Variants in IGSF21 observed in about 807,000 individuals in gnomAD.
IGSF21 encodes immunoglobin superfamily member 21.
In IGSF21, 28 loss-of-function variants were observed where a neutral mutation model predicts 46.8. That is an observed-to-expected ratio of 0.60 (90% CI 0.44 to 0.82). The LOEUF (loss-of-function observed/expected upper bound fraction) is 0.82, where lower values mean the gene tolerates loss of function less well. Ranked by LOEUF, IGSF21 falls within the 40% of genes least tolerant of loss-of-function variation. The pLI is 0.00. For missense variants in IGSF21, 624 were observed against 665.5 expected (o/e 0.94, Z 0.69); for synonymous variants, 284 against 273.6 (o/e 1.04, Z -0.38).
rs115698827 is a variant in IGSF21 at position 18,150,573 on chromosome 1, T to C, written c.70+42375T>C. Among the ~76,000 whole-genome samples the C allele has an allele frequency of 7.7e-3, 1,166 of 152,320 alleles. 11 individuals are homozygous for C. Among genetic ancestry groups the C allele is most frequent in the African/African-American group, 0.026 (1,095 of 41,568 alleles). On this transcript the variant is annotated intron_variant, in intron 1 of 9. Transcript: ENST00000251296. The stretch of plus-strand genomic sequence containing the variant: ...ACAGGAATGCTGGCCTCCTTGGAGA[T>C]GGGCTTAAGGGGCTAGGCGAGACCG...
intron 1 of IGSF21, among the ~76,000 whole-genome samples, chr1:18,170,739 C>A (rs1232935251): frequency 6.6e-6 from 1 of 151,976 alleles, no homozygotes; most frequent in Non-Finnish European, 1.5e-5. Flanking sequence ...ACACTGCTAT[C>A]CCGGTTCTGA....
intron 6 of IGSF21, among the ~76,000 whole-genome samples, chr1:18,368,628 C>T (rs1186266449): frequency 3.9e-5 from 6 of 152,118 alleles, no homozygotes; most frequent in Non-Finnish European, 7.3e-5. Flanking sequence ...CTCTCTTGGT[C>T]CTCCTGCTTT....
chr1:18,145,590 C>T (rs2086458199), intron 1 of IGSF21, among the ~76,000 whole-genome samples: 1 of 152,076 alleles, frequency 6.6e-6, no homozygotes, highest in Admixed American at 6.5e-5. Flanking sequence ...GGACACGAAG[C>T]ACACACATCC....
chr1:18,168,476 G>A (rs1025654384), intron 1 of IGSF21, among the ~76,000 whole-genome samples: 11 of 152,120 alleles, frequency 7.2e-5, no homozygotes, highest in Admixed American at 2.6e-4. Flanking sequence ...CTGGGTCATC[G>A]TCACTTAGAC....
chr1:18,271,092 C>G lies in IGSF21; in HGVS notation c.184-20774C>G, dbSNP rs567825808. Among the ~76,000 whole-genome samples the G allele has an allele frequency of 2.0e-5, 3 of 152,276 alleles. No individual in the cohort carries two copies. The East Asian group carries it at 5.8e-4, about 29-fold the overall frequency. Reference sequence around the variant, plus strand: ...AATAGCTCAGACAAGCACAGAGAGACAGCTGCTCGCAGAGCTATGGGCAGA... The same window carrying G: ...AATAGCTCAGACAAGCACAGAGAGAGAGCTGCTCGCAGAGCTATGGGCAGA... On this transcript the variant is annotated intron_variant, in intron 2 of 9. Transcript: ENST00000251296.
At chr1:18,369,030 C>G (rs1004907956) in intron 6 of IGSF21, among the ~76,000 whole-genome samples, 2 of 152,214 alleles carry the variant, frequency 1.3e-5, no homozygotes, top group African/African-American at 4.8e-5. Context: ...GGCACCCCCA[C>G]TCATCATCAG....
At chr1:18,210,692 G>T (rs1011570333) in intron 1 of IGSF21, among the ~76,000 whole-genome samples, 1 of 151,990 alleles carries the variant, frequency 6.6e-6, no homozygotes, top group African/African-American at 2.4e-5. Context: ...GGCTGTCCCC[G>T]CACTGCAGGG....
intron 2 of IGSF21, among the ~76,000 whole-genome samples, chr1:18,289,183 A>T (rs537972035): frequency 8.5e-5 from 13 of 152,198 alleles, no homozygotes; most frequent in Admixed American, 2.6e-4. Context: ...GAAATTTGAG[A>T]TTGGGACGAT....
chr1:18,118,618 A>G (rs758694406), intron 1 of IGSF21, among the ~76,000 whole-genome samples: 1 of 152,128 alleles, frequency 6.6e-6, no homozygotes, highest in Non-Finnish European at 1.5e-5. Context: ...AAAGGCAGTC[A>G]CCCCACAAAG....
intron 2 of IGSF21, among the ~76,000 whole-genome samples, chr1:18,238,244 TGC>T (rs2084691322): frequency 6.6e-6 from 1 of 152,182 alleles, no homozygotes; most frequent in African/African-American, 2.4e-5. Context: ...ACCCTGTAGC[TGC>T]GAGGTTGTGC....
At chr1:18,336,663 C>T (rs1331885460) in intron 4 of IGSF21, among the ~76,000 whole-genome samples, 1 of 152,178 alleles carries the variant, frequency 6.6e-6, no homozygotes, top group Non-Finnish European at 1.5e-5. Context: ...CTCCATGAGG[C>T]CCACACTTCC....
intron 1 of IGSF21, among the ~76,000 whole-genome samples, chr1:18,133,411 G>A (rs796581569): frequency 2.0e-5 from 3 of 152,386 alleles, no homozygotes; most frequent in African/African-American, 7.2e-5. Context: ...CACAGCCGCT[G>A]TGTGGCCCTG....
chr1:18,265,813 C>T (rs762637705), intron 2 of IGSF21, among the ~76,000 whole-genome samples: 4 of 152,220 alleles, frequency 2.6e-5, no homozygotes, highest in African/African-American at 7.2e-5. Flanking sequence ...TAGGCAAGCC[C>T]GCTCCTTCCT....
intron 4 of IGSF21, among the ~76,000 whole-genome samples, chr1:18,358,046 A>G (rs641511): frequency 6.9e-6 from 1 of 144,658 alleles, no homozygotes. Context: ...AGAGAGAGAG[A>G]GTGTGTGTGT....
rs544328927 is a variant in IGSF21 at position 18,335,936 on chromosome 1, G to A, written c.424+926G>A. ...CATTGCCAGGAAAAGCCCCTCTCTC[G>A]CAGTTACTCATGCACCACTCAGCTC... On this transcript the variant is annotated intron_variant, in intron 4 of 9. Coordinates refer to ENST00000251296, the MANE Select transcript of IGSF21 (RefSeq NM_032880.5). This position sits in a 1 kb window ranked among gnomAD's most constrained non-coding sequence, Gnocchi z 4.8. Among the ~76,000 whole-genome samples the A allele has an allele frequency of 3.9e-5, 6 of 152,230 alleles. No homozygotes were observed. Among genetic ancestry groups the A allele is most frequent in the East Asian group, 1.9e-4 (1 of 5,160 alleles).
chr1:18,210,777 A>C (rs1013160932), intron 1 of IGSF21, among the ~76,000 whole-genome samples: 2 of 152,122 alleles, frequency 1.3e-5, no homozygotes, highest in African/African-American at 4.8e-5. Flanking sequence ...ATAGCAGAAA[A>C]TGTCTTCAGA....
At chr1:18,300,195 G>A (rs1426733811) in intron 3 of IGSF21, among the ~76,000 whole-genome samples, 1 of 152,114 alleles carries the variant, frequency 6.6e-6, no homozygotes. Flanking sequence ...ACCAATTGCT[G>A]AGCTCCACCA....
At chr1:18,248,096 C>T (rs557255360) in intron 2 of IGSF21, among the ~76,000 whole-genome samples, 3 of 152,358 alleles carry the variant, frequency 2.0e-5, no homozygotes, top group Admixed American at 1.3e-4. Context: ...GATTTTTCCT[C>T]TAGTGCTGGA....
intron 3 of IGSF21, among the ~76,000 whole-genome samples, chr1:18,311,787 C>T (rs903039283): frequency 6.6e-5 from 10 of 152,156 alleles, no homozygotes; most frequent in African/African-American, 9.7e-5. Context: ...ATAAAACCAT[C>T]GGATCATGTG....
Sources: allele counts gnomAD v4.1 joint callset (sites outside exome capture counted in the v4.1 genomes callset), GRCh38; gene constraint gnomAD v4.1.1; non-coding constraint Gnocchi (gnomAD v3.1); transcripts MANE v1.5; gene names NCBI Gene and HGNC (gene_info 2026-07-23, HGNC 2026-07-21).